Variants in GSN observed in about 807,000 individuals in gnomAD.
The protein encoded by GSN is actin-depolymerizing factor.
In GSN, 56 loss-of-function variants were observed where a neutral mutation model predicts 85.7. That is an observed-to-expected ratio of 0.65 (90% confidence interval 0.53 to 0.82). The LOEUF (loss-of-function observed/expected upper bound fraction) is 0.82, where lower values mean the gene tolerates loss of function less well. Among genes scored for constraint, GSN ranks in the 40% least tolerant of loss-of-function variants. The pLI is 0.00. For synonymous variants in GSN, 373 were observed against 399.1 expected (o/e 0.93, Z 0.78); for missense variants, 857 against 979.8 (o/e 0.87, Z 1.67).
chr9:121,232,257 G>A (rs1415298905), intron 5 of GSN, among the ~76,000 whole-genome samples: 2 of 152,208 alleles, frequency 1.3e-5, no homozygotes, highest in African/African-American at 4.8e-5. Flanking sequence ...ACAGGGTGTG[G>A]CATCTGGTGG....
intron 7 of GSN, among the ~76,000 whole-genome samples, chr9:121,314,869 T>G (rs1284014393): frequency 6.6e-6 from 1 of 152,184 alleles, no homozygotes; most frequent in Non-Finnish European, 1.5e-5. Context: ...TCCATCTTAT[T>G]ATTTTATTTT....
At chr9:121,204,752 A>T (rs1409907427), upstream of GSN, among the ~76,000 whole-genome samples, 2 of 152,258 alleles carry the variant, frequency 1.3e-5, no homozygotes, top group Non-Finnish European at 2.9e-5. Flanking sequence ...TGTAATAGTA[A>T]ATTATAGTAC....
At chr9:121,223,083 C>T (rs2054201182) in intron 4 of GSN, 1 of 152,116 alleles carries the variant, frequency 6.6e-6, no homozygotes. Flanking sequence ...GTCCGGCGTT[C>T]CTACAGGAGG....
upstream of GSN, among the ~76,000 whole-genome samples, chr9:121,264,980 G>C (rs557111612): frequency 2.0e-5 from 3 of 152,218 alleles, no homozygotes; most frequent in African/African-American, 7.2e-5. Context: ...GATGAAAGAT[G>C]GGGGAGAGAG....
At chr9:121,204,530 C>T (rs2053852625), upstream of GSN, among the ~76,000 whole-genome samples, 2 of 152,142 alleles carry the variant, frequency 1.3e-5, no homozygotes, top group Non-Finnish European at 2.9e-5. Flanking sequence ...TAATAAGTCC[C>T]AGAATTTTCA....
intron 2 of GSN, among the ~76,000 whole-genome samples, chr9:121,287,225 C>T (rs924933706): frequency 2.6e-5 from 4 of 151,950 alleles, no homozygotes; most frequent in Admixed American, 6.6e-5. Flanking sequence ...CCTGAGTCAC[C>T]GGGAGGCTGA....
chr9:121,241,775 G>C (rs2132200060), intron 5 of GSN, among the ~76,000 whole-genome samples: 1 of 152,260 alleles, frequency 6.6e-6, no homozygotes, highest in Middle Eastern at 3.4e-3. Flanking sequence ...GTAAATATTT[G>C]ATTCCTGTGA....
intron 6 of GSN, among the ~76,000 whole-genome samples, chr9:121,257,987 T>C (rs2055002440): frequency 6.6e-6 from 1 of 152,208 alleles, no homozygotes; most frequent in African/African-American, 2.4e-5. Context: ...TGCTTAATAA[T>C]GTAAGGAGGA....
At chr9:121,238,483 T>C (rs2054540640) in intron 5 of GSN, among the ~76,000 whole-genome samples, 1 of 152,220 alleles carries the variant, frequency 6.6e-6, no homozygotes, top group South Asian at 2.1e-4. Context: ...GACTAAAAGC[T>C]TCACTGTCAG....
intron 4 of GSN, among the ~76,000 whole-genome samples, chr9:121,306,322 A>G (rs913341641): frequency 1.3e-5 from 2 of 152,190 alleles, no homozygotes; most frequent in African/African-American, 4.8e-5. Context: ...CCCAAGCCTG[A>G]TCAATTCATT....
chr9:121,258,411 C>T (rs927978947), intron 6 of GSN, among the ~76,000 whole-genome samples: 12 of 151,654 alleles, frequency 7.9e-5, no homozygotes, highest in Non-Finnish European at 1.3e-4. Flanking sequence ...TGCAGTGAGC[C>T]GGGATTGCAC....
intron 6 of GSN, among the ~76,000 whole-genome samples, chr9:121,253,012 T>C (rs540840461): frequency 6.6e-6 from 1 of 152,346 alleles, no homozygotes; most frequent in South Asian, 2.1e-4. Flanking sequence ...GCCAGCATAG[T>C]TGGGCTCTGG....
At chr9:121,309,967 G>A (rs995672966) in intron 4 of GSN, 1 of 152,624 alleles carries the variant, frequency 6.6e-6, no homozygotes, top group African/African-American at 2.4e-5. Flanking sequence ...TGAAAGGAAG[G>A]AAGAGAGAGA....
At chr9:121,242,415 T>TAA (rs995090089) in intron 5 of GSN, among the ~76,000 whole-genome samples, 2 of 152,128 alleles carry the variant, frequency 1.3e-5, no homozygotes, top group African/African-American at 4.8e-5. Flanking sequence ...TTAACCTTGG[T>TAA]GACTCACAGA....
Position 121,318,616 on chromosome 9 carries a change from C to T in GSN, c.976-49C>T, listed in dbSNP as rs747966034. ...GGTATCTGAGGCTCCCCTGGGGACC[C>T]CTGCTGGGCAGCCCAGCCACATCCT... On this transcript the variant is annotated intron_variant, in intron 9 of 17. Transcript: ENST00000432226. This position sits in a 1 kb window ranked among gnomAD's most constrained non-coding sequence, Gnocchi z 4.3. 1 of 1,524,082 alleles carries T rather than the reference C, an allele frequency of 6.6e-7. No individual in the cohort carries two copies. Among genetic ancestry groups the T allele is most frequent in the South Asian group, 1.1e-5 (1 of 89,054 alleles). 94.4% of individuals were successfully genotyped at this position (1,524,082 alleles called of 1,614,324 possible). A position where few individuals can be genotyped will look rare whatever the true frequency, so the allele number is the denominator to read the frequency against.
chr9:121,325,802 G>T (rs1000846860), intron 12 of GSN, among the ~76,000 whole-genome samples: 2 of 152,170 alleles, frequency 1.3e-5, no homozygotes, highest in East Asian at 1.9e-4. Context: ...TAGCATCCTT[G>T]GCTGCATTTT....
intron 4 of GSN, among the ~76,000 whole-genome samples, chr9:121,305,358 T>C (rs1003181263): frequency 5.3e-5 from 8 of 152,190 alleles, no homozygotes; most frequent in Admixed American, 3.9e-4. Flanking sequence ...TGAACACTTA[T>C]CTATTACTTT....
chr9:121,287,547 G>C (rs1356782555), intron 2 of GSN, among the ~76,000 whole-genome samples: 3 of 152,094 alleles, frequency 2.0e-5, no homozygotes, highest in African/African-American at 7.2e-5. Context: ...GAGGTGTTAG[G>C]GAACTGCTCG....
chr9:121,301,210 C>T (rs1380448739), intron 2 of GSN, among the ~76,000 whole-genome samples: 2 of 152,228 alleles, frequency 1.3e-5, no homozygotes, highest in Admixed American at 6.5e-5. Context: ...GTCTACCCAT[C>T]ATCCCAGAGC....
Sources: allele counts gnomAD v4.1 joint callset (sites outside exome capture counted in the v4.1 genomes callset), GRCh38; gene constraint gnomAD v4.1.1; non-coding constraint Gnocchi (gnomAD v3.1); transcripts MANE v1.5; gene names NCBI Gene and HGNC (gene_info 2026-07-23, HGNC 2026-07-21).